The following SLC4A10 variants were observed in gnomAD, a reference collection of about 807,000 sequenced individuals.
SLC4A10 encodes the protein sodium-driven chloride bicarbonate exchanger.
Under a neutral mutation model 137.7 loss-of-function variants are expected in SLC4A10, and 42 were observed. The observed-to-expected ratio is 0.30, with a 90% CI of 0.24 to 0.39. SLC4A10 has a LOEUF of 0.39. Ranked by LOEUF, SLC4A10 falls within the 10% of genes least tolerant of loss-of-function variation. SLC4A10 has a pLI of 1.00. For missense variants in SLC4A10, 925 were observed against 1,355.0 expected (o/e 0.68, Z 4.98); for synonymous variants, 474 against 464.1 (o/e 1.02, Z -0.27).
In SLC4A10 at chr2:161,983,184, A is replaced by T; in HGVS notation, c.*32A>T. 6.5e-7 allele frequency: 1 copy of T among 1,536,748 alleles called. No homozygotes were observed. Among genetic ancestry groups the T allele is most frequent in the Non-Finnish European group, 8.7e-7 (1 of 1,147,022 alleles). On this transcript the variant is annotated 3_prime_UTR_variant, in exon 27 of 27. Coordinates refer to ENST00000446997, the MANE Select transcript of SLC4A10 (RefSeq NM_001178015.2). Reference sequence around the variant, plus strand: ...TCCTTTTTTTCCTTCTGTAGCATTGAAAGCCGAAAAGAGAAGAAAGCTGAC... The same window carrying T: ...TCCTTTTTTTCCTTCTGTAGCATTGTAAGCCGAAAAGAGAAGAAAGCTGAC...
intron 25 of SLC4A10, 109 bp downstream of exon 25, chr2:161,976,985 T>G: frequency 1.7e-6 from 1 of 594,728 alleles, no homozygotes; most frequent in Admixed American, 3.7e-5. Context: ...TATAAAATAT[T>G]CCAGAAAATT....
chr2:161,770,931 T>A, intron 1 of SLC4A10, 42 bp from the exon 2 acceptor site: 2 of 1,379,702 alleles, frequency 1.4e-6, no homozygotes, highest in Non-Finnish European at 2.0e-6. Flanking sequence ...ATTGAGATAA[T>A]ATGTGTGTTA....
rs763818613 is a variant in SLC4A10, at chr2:161,754,376, A to T, written c.49-16597A>T. 2.7e-4 allele frequency among the ~76,000 whole-genome samples: 41 copies of T among 152,152 alleles called. 1 individual carries two copies. The highest frequency in any genetic ancestry group is 5.4e-4 in the Non-Finnish European group (37 of 68,030). On this transcript the variant is annotated intron_variant, in intron 1 of 26. Coordinates refer to ENST00000446997, the MANE Select transcript of SLC4A10 (RefSeq NM_001178015.2). ...TTTCTATAAAACAGCTCTGTGACAAAATTAGGAACCATGAACAACAAAATT... is the reference window on the plus strand; with the variant it reads ...TTTCTATAAAACAGCTCTGTGACAATATTAGGAACCATGAACAACAAAATT...
chr2:161,627,425 C>A (rs140567879), intron 1 of SLC4A10, among the ~76,000 whole-genome samples: 455 of 151,870 alleles, frequency 3.0e-3, no homozygotes, highest in African/African-American at 0.01. Context: ...CAGAAGCAGT[C>A]AGAGGTAGAA....
In SLC4A10 at chr2:161,685,360, C is replaced by A. The variant is rs546334677; in HGVS notation, c.48+60794C>A. On this transcript the variant is annotated intron_variant, in intron 1 of 26. Transcript: ENST00000446997. ...GTGGCTCACTCCTGTAATCCCAGCA[C>A]TTTGGGAGGCCGAGGTGGGTGGATT... Among the ~76,000 whole-genome samples, 17 of 152,238 alleles carry A rather than the reference C, an allele frequency of 1.1e-4. No homozygotes were observed. The South Asian group carries it at 3.3e-3, about 30-fold the overall frequency.
At chr2:161,681,940 T>A (rs540823637) in intron 1 of SLC4A10, among the ~76,000 whole-genome samples, 2 of 152,274 alleles carry the variant, frequency 1.3e-5, no homozygotes, top group South Asian at 4.1e-4. Flanking sequence ...TTTTGTCTAC[T>A]TTTTTTAAAG....
At chr2:161,800,167 C>T (rs946926725) in intron 2 of SLC4A10, among the ~76,000 whole-genome samples, 6 of 152,008 alleles carry the variant, frequency 3.9e-5, no homozygotes, top group Non-Finnish European at 5.9e-5. Flanking sequence ...TTCAGTTTGT[C>T]TTGCTTTATA....
At chr2:161,837,899 T>C (rs1244862204) in intron 3 of SLC4A10, among the ~76,000 whole-genome samples, 5 of 152,164 alleles carry the variant, frequency 3.3e-5, no homozygotes, top group Non-Finnish European at 7.3e-5. Flanking sequence ...AAAATGAACC[T>C]GCTCTCTCAG....
chr2:161,979,147 TA>T (rs1436520381), intron 26 of SLC4A10, among the ~76,000 whole-genome samples: 3 of 152,206 alleles, frequency 2.0e-5, no homozygotes, highest in African/African-American at 7.2e-5. Context: ...AACAAACCTG[TA>T]AAAAATTTTC....
At position 161,863,088 on chromosome 2, in the gene SLC4A10, T is replaced by TA. The variant is rs556850999; in HGVS notation, c.766+27dup. The stretch of plus-strand genomic sequence containing the variant: ...GTAAATGTTTATTTATTGTGCTCTT[T>TA]ATGTCTACTATAGGTCTCTGACATA... On this transcript the variant is annotated intron_variant, in intron 6 of 26. Transcript: ENST00000446997. 8.7e-5 allele frequency: 140 copies of TA among 1,603,132 alleles called. 1 individual carries two copies. The South Asian group carries it at 1.2e-3, about 13-fold the overall frequency.
At chr2:161,854,917 A>C in intron 4 of SLC4A10, 53 bp from the exon 5 acceptor site, 1 of 1,488,344 alleles carries the variant, frequency 6.7e-7, no homozygotes, top group African/African-American at 1.4e-5. Context: ...GGTATAAAGG[A>C]TCATTAACCT....
At chr2:161,944,009 C>G (rs1458337885) in intron 16 of SLC4A10, among the ~76,000 whole-genome samples, 2 of 151,850 alleles carry the variant, frequency 1.3e-5, no homozygotes, top group East Asian at 1.9e-4. Context: ...TATTTTACTA[C>G]TTCTATTCTT....
chr2:161,879,024 A>T, intron 8 of SLC4A10, 107 bp from the exon 9 acceptor site: 3 of 949,158 alleles, frequency 3.2e-6, no homozygotes, highest in Non-Finnish European at 4.5e-6. Flanking sequence ...GTATTTATTT[A>T]AACTATATTT....
intron 15 of SLC4A10, among the ~76,000 whole-genome samples, chr2:161,933,400 C>G (rs926310533): frequency 3.4e-5 from 5 of 149,206 alleles, no homozygotes; most frequent in Admixed American, 6.7e-5. Flanking sequence ...CCTTCCCTTC[C>G]CTTTCCTCTT....
rs929370538 is a variant in SLC4A10 at position 161,822,107 on chromosome 2, C to A, written c.277+17512C>A. ...GGTGTTATAACCACATGTTTACTTACAAATAGTATTTTAAAGGTGTGTAGT... is the reference window on the plus strand; with the variant it reads ...GGTGTTATAACCACATGTTTACTTAAAAATAGTATTTTAAAGGTGTGTAGT... On this transcript the variant is annotated intron_variant, in intron 3 of 26. Coordinates refer to ENST00000446997, the MANE Select transcript of SLC4A10 (RefSeq NM_001178015.2). Among the ~76,000 whole-genome samples, 19 of 152,156 alleles carry A rather than the reference C, an allele frequency of 1.2e-4. 1 individual carries two copies. Among genetic ancestry groups the A allele is most frequent in the Admixed American group, 1.1e-3 (17 of 15,274 alleles).
chr2:161,810,682 A>G (rs2056462105), intron 3 of SLC4A10, among the ~76,000 whole-genome samples: 1 of 152,012 alleles, frequency 6.6e-6, no homozygotes, highest in South Asian at 2.1e-4. Flanking sequence ...TGAATTGTGT[A>G]TGTCGAACCA....
intron 11 of SLC4A10, among the ~76,000 whole-genome samples, chr2:161,896,748 G>A (rs114368432): frequency 0.053 from 8,029 of 152,122 alleles, 324 homozygotes; most frequent in African/African-American, 0.12. Context: ...GGCAGAAGGG[G>A]CATGAAGTTA....
intron 3 of SLC4A10, among the ~76,000 whole-genome samples, chr2:161,834,660 TACACACACAC>T (rs72327926): frequency 8.9e-4 from 126 of 141,016 alleles, no homozygotes; most frequent in South Asian, 3.4e-3. Context: ...CTTTATCGCC[TACACACACAC>T]ACACACACAC....
intron 15 of SLC4A10, among the ~76,000 whole-genome samples, chr2:161,935,581 G>T (rs1270540094): frequency 6.6e-6 from 1 of 151,984 alleles, no homozygotes; most frequent in East Asian, 1.9e-4. Context: ...TCAGTGTACA[G>T]GTCTTTCACC....
Sources: allele counts gnomAD v4.1 joint callset (sites outside exome capture counted in the v4.1 genomes callset), GRCh38; gene constraint gnomAD v4.1.1; transcripts MANE v1.5; gene names NCBI Gene and HGNC (gene_info 2026-07-23, HGNC 2026-07-21).